DIXDC1: variants seen among roughly 807,000 people sequenced by gnomAD.
DIXDC1 encodes the protein DIX domain containing 1.
Under a neutral mutation model 103.1 loss-of-function variants are expected in DIXDC1, and 64 were observed. The observed-to-expected ratio is 0.62, with a 90% confidence interval of 0.51 to 0.76. DIXDC1 has a LOEUF of 0.76. Among genes scored for constraint, DIXDC1 ranks in the 30% least tolerant of loss-of-function variants. The probability of loss-of-function intolerance (pLI) is 0.00; values close to 1 mark genes in which losing one functional copy is unlikely to be tolerated. For synonymous variants in DIXDC1, 266 were observed against 298.5 expected, an observed-to-expected ratio of 0.89 and a Z score of 1.12; for missense variants, 759 against 834.2, an observed-to-expected ratio of 0.91 and a Z score of 1.11.
intron 1 of DIXDC1, among the ~76,000 whole-genome samples, chr11:111,949,655 G>A (rs1555169707): frequency 6.6e-6 from 1 of 152,148 alleles, no homozygotes; most frequent in African/African-American, 2.4e-5. Flanking sequence ...AGGTCATTAA[G>A]CCTTAGTCTA....
rs149573720 is a variant in DIXDC1 at position 111,959,713 on chromosome 11, C to T, written c.61-4836C>T. Among the ~76,000 whole-genome samples the T allele has an allele frequency of 4.6e-5, 7 of 152,272 alleles. No individual in the cohort carries two copies. The East Asian group carries it at 1.4e-3, about 29-fold the overall frequency. ...TTCCTGTTTTGATCATTGTACTGTG[C>T]TTATGTAAGATGTAAAAATTTGGGC... On this transcript the variant is annotated intron_variant, in intron 1 of 19. Coordinates refer to ENST00000440460, the MANE Select transcript of DIXDC1 (RefSeq NM_001037954.4).
At chr11:111,938,151 G>T (rs1435343832) in intron 1 of DIXDC1, among the ~76,000 whole-genome samples, 1 of 152,208 alleles carries the variant, frequency 6.6e-6, no homozygotes, top group East Asian at 1.9e-4. Context: ...GGGAGCCAGC[G>T]CGTGCACCGG....
At chr11:111,985,370 T>C (rs782337057) in intron 8 of DIXDC1, 49 bp downstream of exon 8, 1 of 1,478,694 alleles carries the variant, frequency 6.8e-7, no homozygotes, top group South Asian at 1.2e-5. Context: ...TGTATTTTAC[T>C]TGTATTTAGC....
intron 2 of DIXDC1, among the ~76,000 whole-genome samples, chr11:111,968,003 A>G (rs1859792311): frequency 6.6e-6 from 1 of 152,174 alleles, no homozygotes; most frequent in South Asian, 2.1e-4. Context: ...CTTCCTCCTC[A>G]AATCTTAACA....
rs1338004958 is a variant in DIXDC1, at chr11:111,977,614, C to T, written c.656+2631C>T. The T allele has an allele frequency of 7.2e-6, 11 of 1,520,272 alleles. No individual in the cohort carries two copies. In the Admixed American group the frequency reaches 1.3e-4, roughly 18 times the overall value. The allele number at this position is 1,520,272 out of a possible 1,614,324, so 94.2% of individuals were successfully genotyped here. ...CCGCCGCCGTTCCCGCTTTCTCCCG[C>T]GAGCCGGGCCAGTAGCTTTGCTAGC... On this transcript the variant is annotated intron_variant, in intron 5 of 19. Coordinates refer to ENST00000440460, the MANE Select transcript of DIXDC1 (RefSeq NM_001037954.4). This position sits in a 1 kb window ranked among gnomAD's most constrained non-coding sequence, Gnocchi z 6.1.
chr11:112,003,971 G>T (rs915627941), intron 17 of DIXDC1, among the ~76,000 whole-genome samples: 1 of 145,290 alleles, frequency 6.9e-6, no homozygotes. Context: ...TTGTGTCCAG[G>T]GATTTGAGAC....
intron 14 of DIXDC1, 56 bp from the exon 15 acceptor site, chr11:111,994,963 C>T: frequency 6.7e-7 from 1 of 1,491,586 alleles, no homozygotes; most frequent in Non-Finnish European, 9.3e-7. Context: ...AATAAGATAG[C>T]ACATCTGGTT....
chr11:111,994,658 A>G (rs57970774), intron 14 of DIXDC1, among the ~76,000 whole-genome samples: 1,716 of 150,992 alleles, frequency 0.011, 26 homozygotes, highest in African/African-American at 0.038. Flanking sequence ...GTGTGTGTGT[A>G]TATATATATA....
At chr11:111,930,037 T>C (rs1156548307) in intron 2 of DIXDC1, 1 of 871,324 alleles carries the variant, frequency 1.1e-6, no homozygotes, top group Admixed American at 3.2e-5. Context: ...ATTTGTCTTT[T>C]TTTTTGCTTT....
chr11:111,937,015 A>ATGTGTGTATG (rs1555168182), upstream of DIXDC1, among the ~76,000 whole-genome samples: 4 of 127,558 alleles, frequency 3.1e-5, no homozygotes, highest in Non-Finnish European at 6.7e-5. Flanking sequence ...GTATGTGTGT[A>ATGTGTGTATG]TGTGTGTGTG....
rs1555173345 is a variant in DIXDC1, at chr11:111,982,421, G to A, written c.852G>A (p.Leu284=). ...TGGAGACCTCATGGGAAGAACAGCT[G>A]TTGGAACAACAAGAATATTTAGAAA... ...TYLETSWEEQ[L]LEQQEYLEKE... The change falls in exon 7 of 20, where the codon CTG becomes CTA. Residue 284 remains leucine, a synonymous_variant. Transcript: ENST00000440460. 1.9e-6 allele frequency: 3 copies of A among 1,613,976 alleles called. No homozygotes were observed. The highest frequency in any genetic ancestry group is 1.6e-4 in the Middle Eastern group (1 of 6,062).
At chr11:111,974,372 C>T in intron 4 of DIXDC1, 118 bp downstream of exon 4, 1 of 984,442 alleles carries the variant, frequency 1.0e-6, no homozygotes, top group Non-Finnish European at 1.5e-6. Context: ...CAGAAAAGAA[C>T]ATGGAGTGGG....
intron 1 of DIXDC1, among the ~76,000 whole-genome samples, chr11:111,949,574 G>A (rs1255117013): frequency 6.6e-6 from 1 of 152,168 alleles, no homozygotes; most frequent in Non-Finnish European, 1.5e-5. Context: ...TCTGTATGCT[G>A]TTCTTTCTAT....
chr11:111,937,132 G>T (rs868955026), upstream of DIXDC1: 37 of 369,520 alleles, frequency 1.0e-4, 2 homozygotes, highest in Non-Finnish European at 1.2e-4. Context: ...CGGCCCGGGC[G>T]GGGGGGGGGT....
upstream of DIXDC1, chr11:111,937,138 G>T (rs1392864264): frequency 1.3e-5 from 10 of 743,398 alleles, no homozygotes; most frequent in Non-Finnish European, 1.6e-5. Flanking sequence ...GGGCGGGGGG[G>T]GGGTGTGCGC....
chr11:112,017,148 G>T lies in DIXDC1; in HGVS notation c.1862+352G>T, dbSNP rs151283290. On this transcript the variant is annotated intron_variant, in intron 18 of 19. Coordinates refer to ENST00000440460, the MANE Select transcript of DIXDC1 (RefSeq NM_001037954.4). This position sits in a 1 kb window ranked among gnomAD's most constrained non-coding sequence, Gnocchi z 4.0. Reference sequence around the variant, plus strand: ...GATTGCAGCCTGGCACTCACTCCAGGACTATGACTAATTGATCTTTGTTAC... The same window carrying T: ...GATTGCAGCCTGGCACTCACTCCAGTACTATGACTAATTGATCTTTGTTAC... 5.3e-4 allele frequency among the ~76,000 whole-genome samples: 81 copies of T among 151,978 alleles called. No individual in the cohort carries two copies. The highest frequency in any genetic ancestry group is 9.4e-4 in the Non-Finnish European group (64 of 67,992).
chr11:112,011,334 G>A (rs1176924238), intron 17 of DIXDC1, among the ~76,000 whole-genome samples: 1 of 152,186 alleles, frequency 6.6e-6, no homozygotes, highest in African/African-American at 2.4e-5. Flanking sequence ...GGAGAAATAG[G>A]AATGCTTTTA....
intron 1 of DIXDC1, among the ~76,000 whole-genome samples, chr11:111,961,244 A>C (rs1859568095): frequency 6.6e-6 from 1 of 152,124 alleles, no homozygotes; most frequent in African/African-American, 2.4e-5. Flanking sequence ...TGGTGGAGGG[A>C]GTGGTTTGAC....
At chr11:111,983,780 A>G (rs1346627309) in intron 7 of DIXDC1, among the ~76,000 whole-genome samples, 1 of 152,216 alleles carries the variant, frequency 6.6e-6, no homozygotes, top group Non-Finnish European at 1.5e-5. Flanking sequence ...TATTTCCTGC[A>G]AACAGAAGAG....
Sources: allele counts gnomAD v4.1 joint callset (sites outside exome capture counted in the v4.1 genomes callset), GRCh38; gene constraint gnomAD v4.1.1; non-coding constraint Gnocchi (gnomAD v3.1); transcripts MANE v1.5; gene names NCBI Gene and HGNC (gene_info 2026-07-23, HGNC 2026-07-21).